The following MMAA variants were observed in gnomAD, a reference collection of about 807,000 sequenced individuals.
MMAA encodes the protein methylmalonic aciduria type A protein, mitochondrial.
Under a neutral mutation model 45.0 loss-of-function variants are expected in MMAA, and 41 were observed. The observed-to-expected ratio is 0.91, with a 90% CI of 0.71 to 1.18. The LOEUF (loss-of-function observed/expected upper bound fraction) is 1.18, where lower values mean the gene tolerates loss of function less well. MMAA is among the 50% of genes most tolerant of loss of function. The pLI is 0.00. For missense variants in MMAA, 460 were observed against 495.7 expected (o/e 0.93, Z 0.68); for synonymous variants, 154 against 178.2 (o/e 0.86, Z 1.08).
intron 3 of MMAA, among the ~76,000 whole-genome samples, chr4:145,643,283 C>T (rs1009751578): frequency 3.3e-5 from 5 of 152,116 alleles, no homozygotes; most frequent in African/African-American, 1.2e-4. Flanking sequence ...AGGCATTGTA[C>T]ATGGAAGGTT....
chr4:145,620,360 G>T (rs1329688274), intron 1 of MMAA, among the ~76,000 whole-genome samples: 2 of 152,190 alleles, frequency 1.3e-5, no homozygotes, highest in African/African-American at 4.8e-5. Context: ...GATGTCAAAA[G>T]AAAACCTTTA....
chr4:145,641,714 A>T (rs1005714405), intron 2 of MMAA, among the ~76,000 whole-genome samples: 1 of 152,340 alleles, frequency 6.6e-6, no homozygotes, highest in Middle Eastern at 3.4e-3. Flanking sequence ...ACCCAAGATC[A>T]CATAGCTCGT....
chr4:145,639,423 A>C lies in MMAA; in HGVS notation c.284A>C (p.Gln95Pro), dbSNP rs1395582007. ...FVDKLYTGLI[Q>P]GQRACLAEAI... ...GATAAACTTTATACTGGTTTAATCCAAGGGCAAAGGGCCTGTTTAGCAGAG... is the reference window on the plus strand; with the variant it reads ...GATAAACTTTATACTGGTTTAATCCCAGGGCAAAGGGCCTGTTTAGCAGAG... Residue 95 changes from glutamine (Q) to proline (P), a missense_variant, in exon 2 of 7, where the codon CAA becomes CCA. Coordinates refer to ENST00000649156, the MANE Select transcript of MMAA (RefSeq NM_172250.3). 6.2e-7 allele frequency: 1 copy of C among 1,614,228 alleles called. No homozygotes were observed. Among genetic ancestry groups the C allele is most frequent in the Non-Finnish European group, 8.5e-7 (1 of 1,180,038 alleles).
intron 1 of MMAA, chr4:145,625,369 G>T: frequency 1.4e-6 from 1 of 701,730 alleles, no homozygotes; most frequent in East Asian, 3.0e-5. Flanking sequence ...AGTCCTGGGG[G>T]TTGGTGCTGG....
intron 5 of MMAA, among the ~76,000 whole-genome samples, chr4:145,651,424 CCA>C (rs1433375722): frequency 2.6e-5 from 4 of 152,170 alleles, no homozygotes; most frequent in Non-Finnish European, 4.4e-5. Context: ...CCAGTAGAGA[CCA>C]TTGTTGCATA....
In MMAA at chr4:145,646,033, A is replaced by G. The variant is rs370375675; in HGVS notation, c.610A>G (p.Met204Val). 7.4e-6 allele frequency: 12 copies of G among 1,614,030 alleles called. No homozygotes were observed. The East Asian group carries it at 8.9e-5, about 12-fold the overall frequency. ...CCGAATGACTGAGTTATCAAGAGAT[A>G]TGAATGCATACATCAGGCCATCTCC... ...KTRMTELSRD[M>V]NAYIRPSPTR... The change falls in exon 4 of 7, where the codon ATG becomes GTG. Residue 204 changes from methionine (M) to valine (V), a missense_variant. Met to Val is a conservative substitution (Grantham distance 21, BLOSUM62 1). Transcript: ENST00000649156.
At chr4:145,629,072 T>C (rs1734266181) in intron 1 of MMAA, among the ~76,000 whole-genome samples, 1 of 152,210 alleles carries the variant, frequency 6.6e-6, no homozygotes, top group South Asian at 2.1e-4. Flanking sequence ...AATGCTCATA[T>C]GGTTTTTGCC....
chr4:145,630,481 C>G (rs1051563661), intron 1 of MMAA, among the ~76,000 whole-genome samples: 11 of 152,148 alleles, frequency 7.2e-5, no homozygotes, highest in African/African-American at 2.7e-4. Flanking sequence ...GTAATCCCAG[C>G]ACTTTGGGAG....
chr4:145,625,816 C>G (rs1396732975), intron 1 of MMAA: 2 of 1,151,496 alleles, frequency 1.7e-6, no homozygotes, highest in Non-Finnish European at 2.6e-6. Context: ...ATGAGGTCCA[C>G]CTGTTCATTT....
At position 145,656,332 on chromosome 4, in the gene MMAA, T is replaced by C. The variant is rs552726676; in HGVS notation, c.*898T>C. ...ACAGTGATTAAGAGCTTGGGCTCTG[T>C]AGTTGGACTATGTGGGTTTAAACTT... On this transcript the variant is annotated 3_prime_UTR_variant, in exon 7 of 7. Coordinates refer to ENST00000649156, the MANE Select transcript of MMAA (RefSeq NM_172250.3). The C allele has an allele frequency of 6.6e-6, 1 of 152,332 alleles. No homozygotes were observed. The highest frequency in any genetic ancestry group is 2.4e-5 in the African/African-American group (1 of 41,578). 9.4% of individuals were successfully genotyped at this position (152,332 alleles called of 1,614,324 possible).
At chr4:145,632,701 T>C (rs1164760513) in intron 1 of MMAA, among the ~76,000 whole-genome samples, 1 of 152,144 alleles carries the variant, frequency 6.6e-6, no homozygotes, top group African/African-American at 2.4e-5. Context: ...TTTTTATTCT[T>C]TTCTCTTTTG....
intron 5 of MMAA, among the ~76,000 whole-genome samples, chr4:145,652,868 T>C (rs1728135398): frequency 1.3e-5 from 2 of 151,714 alleles, no homozygotes; most frequent in African/African-American, 4.8e-5. Flanking sequence ...ACCAGACAAA[T>C]TTTTTCCTTT....
At chr4:145,622,750 T>TA (rs1265861276) in intron 1 of MMAA, among the ~76,000 whole-genome samples, 5 of 152,236 alleles carry the variant, frequency 3.3e-5, no homozygotes, top group African/African-American at 1.2e-4. Flanking sequence ...ACTACAGAGT[T>TA]AGCTGCAACT....
At chr4:145,632,937 A>G (rs6537364) in intron 1 of MMAA, among the ~76,000 whole-genome samples, 76,858 of 151,150 alleles carry the variant, frequency 0.51, 20,970 homozygotes, top group African/African-American at 0.72. Context: ...TTTTTGTAGA[A>G]ATGGGGTTTT....
At chr4:145,624,928 G>T in intron 1 of MMAA, 1 of 1,381,334 alleles carries the variant, frequency 7.2e-7, no homozygotes, top group Non-Finnish European at 1.0e-6. Context: ...CACTTAGATT[G>T]CCCACGTTTT....
intron 1 of MMAA, among the ~76,000 whole-genome samples, chr4:145,622,551 G>A (rs183884590): frequency 7.2e-5 from 11 of 152,038 alleles, no homozygotes; most frequent in Admixed American, 6.6e-4. Context: ...CCATATTCTC[G>A]GGAATCATGA....
chr4:145,644,382 C>T (rs1276089884), intron 3 of MMAA, among the ~76,000 whole-genome samples: 3 of 152,066 alleles, frequency 2.0e-5, no homozygotes, highest in Non-Finnish European at 4.4e-5. Context: ...AGAATTAGAA[C>T]CTATGAGAAG....
chr4:145,646,611 A>G, intron 4 of MMAA: 1 of 183,866 alleles, frequency 5.4e-6, no homozygotes. Flanking sequence ...TGAAAACCCT[A>G]ATAAATTCTT....
Position 145,655,264 on chromosome 4 carries a change from C to T in MMAA, c.1087C>T (p.Gln363Ter), listed in dbSNP as rs1219472164. 1.2e-6 allele frequency: 2 copies of T among 1,614,098 alleles called. No individual in the cohort carries two copies. Among genetic ancestry groups the T allele is most frequent in the Admixed American group, 3.3e-5 (2 of 60,022 alleles). The part of the protein sequence containing the change: ...GELTAKRRKQ[Q>*]KVWMWNLIQE... ...GCTGACTGCCAAACGACGGAAGCAA[C>T]AGAAAGTTTGGATGTGGAATCTCAT... Residue 363 changes from glutamine to a stop codon, truncating the protein, a stop_gained, in exon 7 of 7, where the codon CAG becomes TAG. Transcript: ENST00000649156. LOFTEE classifies it high-confidence loss of function.
Sources: gnomAD v4.1 joint callset for allele counts (sites outside exome capture counted in the v4.1 genomes callset) on GRCh38, gnomAD v4.1.1 for gene constraint, MANE v1.5 for transcripts, NCBI Gene and HGNC (gene_info 2026-07-23, HGNC 2026-07-21) for gene names.